Variants in STYX observed in about 807,000 individuals in gnomAD.
STYX encodes serine/threonine/tyrosine interacting protein.
STYX carries 20 observed loss-of-function variants against 42.7 expected under a neutral mutation model. The ratio of observed to expected loss-of-function variants is 0.47; its 90% CI spans 0.33 to 0.68. STYX has a LOEUF of 0.68. Among genes scored for constraint, STYX ranks in the 30% least tolerant of loss-of-function variants. STYX has a pLI of 0.02. For synonymous variants in STYX, 78 were observed against 81.9 expected (o/e 0.95, Z 0.26); for missense variants, 226 against 268.5 (o/e 0.84, Z 1.11).
At position 52,771,218 on chromosome 14, in the gene STYX, G is replaced by C; in HGVS notation, c.*112G>C. ...TAAGTAGTTTTTTTTTCAATTACAT[G>C]TTGCTTCCAGACATACTTCTCTGCA... On this transcript the variant is annotated 3_prime_UTR_variant, in exon 11 of 11. Transcript: ENST00000354586. The C allele has an allele frequency of 3.2e-6, 3 of 937,302 alleles. No homozygotes were observed. Among genetic ancestry groups the C allele is most frequent in the Middle Eastern group, 2.4e-4 (1 of 4,170 alleles). The allele number at this position is 937,302 out of a possible 1,614,324, so 58.1% of individuals were successfully genotyped here. A position where few individuals can be genotyped will look rare whatever the true frequency, so the allele number is the denominator to read the frequency against.
At chr14:52,758,350 T>C (rs142685483) in intron 8 of STYX, among the ~76,000 whole-genome samples, 1 of 152,290 alleles carries the variant, frequency 6.6e-6, no homozygotes, top group Non-Finnish European at 1.5e-5. Context: ...TCTGTATAGA[T>C]TTTTTAAAAG....
intron 4 of STYX, among the ~76,000 whole-genome samples, chr14:52,753,438 G>C (rs1472137144): frequency 6.6e-6 from 1 of 152,006 alleles, no homozygotes; most frequent in Admixed American, 6.6e-5. Flanking sequence ...GCCCACCTCG[G>C]CCTCCCAAAG....
In STYX at chr14:52,774,591, A is replaced by ATTTTT. The variant is rs36115577; in HGVS notation, c.*3498_*3502dup. 10 of 136,266 alleles carry ATTTTT rather than the reference A, an allele frequency of 7.3e-5. No homozygotes were observed. The highest frequency in any genetic ancestry group is 1.1e-4 in the Non-Finnish European group (7 of 63,018). The allele number at this position is 136,266 out of a possible 1,614,324, so 8.4% of individuals were successfully genotyped here. A position where few individuals can be genotyped will look rare whatever the true frequency, so the allele number is the denominator to read the frequency against. On this transcript the variant is annotated 3_prime_UTR_variant, in exon 11 of 11. Transcript: ENST00000354586. The stretch of plus-strand genomic sequence containing the variant: ...GTCTCTAGGGTCTTTGAATGCTGGA[A>ATTTTT]TTTTTTTTTTTTTTTTTGTCTTTCC...
intron 4 of STYX, among the ~76,000 whole-genome samples, chr14:52,753,719 G>A (rs1881726819): frequency 1.3e-5 from 2 of 151,604 alleles, no homozygotes; most frequent in African/African-American, 2.4e-5. Flanking sequence ...ATTATTTTTA[G>A]TGTTGTATTT....
intron 9 of STYX, among the ~76,000 whole-genome samples, chr14:52,767,022 C>T (rs1210600481): frequency 6.6e-6 from 1 of 152,048 alleles, no homozygotes; most frequent in Non-Finnish European, 1.5e-5. Flanking sequence ...AGACAACAAA[C>T]AAAATGTAGT....
intron 4 of STYX, among the ~76,000 whole-genome samples, chr14:52,755,224 G>A (rs979876460): frequency 1.3e-5 from 2 of 151,388 alleles, no homozygotes; most frequent in African/African-American, 4.8e-5. Context: ...CCGGGTTTAA[G>A]TGATTCTCCT....
chr14:52,747,966 T>G (rs1881458735), intron 3 of STYX, among the ~76,000 whole-genome samples: 1 of 152,214 alleles, frequency 6.6e-6, no homozygotes, highest in African/African-American at 2.4e-5. Context: ...TACTCCAGCC[T>G]GGTTGACGGA....
At chr14:52,754,881 C>A (rs560683951) in intron 4 of STYX, among the ~76,000 whole-genome samples, 2 of 152,136 alleles carry the variant, frequency 1.3e-5, no homozygotes, top group Admixed American at 6.5e-5. Flanking sequence ...TAAACTTTTA[C>A]AATACTAGCT....
intron 4 of STYX, among the ~76,000 whole-genome samples, chr14:52,755,683 GTTTT>G (rs372975976): frequency 3.1e-5 from 4 of 129,822 alleles, no homozygotes; most frequent in Admixed American, 2.4e-4. Flanking sequence ...CTCTCAGCTA[GTTTT>G]TTTTTTTTTT....
rs1566665728 is a variant in STYX at position 52,731,150 on chromosome 14, C to T, written c.57+619C>T. Among the ~76,000 whole-genome samples, 8 of 152,178 alleles carry T rather than the reference C, an allele frequency of 5.3e-5. No individual in the cohort carries two copies. The East Asian group carries it at 1.5e-3, about 29-fold the overall frequency. ...GGTTTCTAATTTGTGGCTATTTTTACTCCACCTTAGATCCCTGCCTGCTGT... is the reference window on the plus strand; with the variant it reads ...GGTTTCTAATTTGTGGCTATTTTTATTCCACCTTAGATCCCTGCCTGCTGT... On this transcript the variant is annotated intron_variant, in intron 1 of 10. Coordinates refer to ENST00000354586, the MANE Select transcript of STYX (RefSeq NM_145251.4).
Position 52,768,837 on chromosome 14 carries a change from T to G in STYX, c.505-3T>G, listed in dbSNP as rs553567290. The stretch of plus-strand genomic sequence containing the variant: ...TAAGTTAATTAACTTATTTTTTTTT[T>G]AGGAATATGAAGCCATCTACCTAGC... On this transcript the variant is annotated splice_region_variant and splice_polypyrimidine_tract_variant and intron_variant, in intron 9 of 10. Coordinates refer to ENST00000354586, the MANE Select transcript of STYX (RefSeq NM_145251.4). 2 of 1,557,746 alleles carry G rather than the reference T, an allele frequency of 1.3e-6. No individual in the cohort carries two copies. The highest frequency in any genetic ancestry group is 1.7e-6 in the Non-Finnish European group (2 of 1,158,012).
chr14:52,730,571 T>A (rs979690612), intron 1 of STYX, 40 bp downstream of exon 1: 1 of 1,604,782 alleles, frequency 6.2e-7, no homozygotes, highest in Admixed American at 1.7e-5. Context: ...GGCCTCTCCC[T>A]GTGGCTCCGG....
chr14:52,766,298 C>G (rs529336441), intron 9 of STYX, among the ~76,000 whole-genome samples: 4 of 152,254 alleles, frequency 2.6e-5, no homozygotes, highest in East Asian at 3.9e-4. Context: ...TCCCAAGTTG[C>G]CAGGATTACA....
At chr14:52,736,926 G>A (rs900377673) in intron 1 of STYX, among the ~76,000 whole-genome samples, 2 of 152,138 alleles carry the variant, frequency 1.3e-5, no homozygotes, top group African/African-American at 4.8e-5. Flanking sequence ...CAAGCTTGGT[G>A]TGGGAATGAA....
Position 52,743,856 on chromosome 14 carries a change from G to A in STYX, c.58-996G>A, listed in dbSNP as rs1476798149. Reference sequence around the variant, plus strand: ...TAGTATTTTTTTAGACGGGGTCTCAGTCTGTCACCCTAGCTGGAGTGGTGG... The same window carrying A: ...TAGTATTTTTTTAGACGGGGTCTCAATCTGTCACCCTAGCTGGAGTGGTGG... On this transcript the variant is annotated intron_variant, in intron 1 of 10. Coordinates refer to ENST00000354586, the MANE Select transcript of STYX (RefSeq NM_145251.4). 2.6e-5 allele frequency among the ~76,000 whole-genome samples: 4 copies of A among 152,132 alleles called. No individual in the cohort carries two copies. In the East Asian group the frequency reaches 7.7e-4, roughly 29 times the overall value.
At chr14:52,740,181 G>A (rs1313571397) in intron 1 of STYX, among the ~76,000 whole-genome samples, 1 of 152,096 alleles carries the variant, frequency 6.6e-6, no homozygotes, top group Admixed American at 6.5e-5. Flanking sequence ...GGAGGCTGAG[G>A]CAGATAATTG....
chr14:52,733,342 T>G (rs1880810102), intron 1 of STYX, among the ~76,000 whole-genome samples: 1 of 151,684 alleles, frequency 6.6e-6, no homozygotes, highest in Non-Finnish European at 1.5e-5. Context: ...AACACACTCT[T>G]TTTTTTATGC....
At position 52,771,152 on chromosome 14, in the gene STYX, G is replaced by A; in HGVS notation, c.*46G>A. 4 of 1,497,708 alleles carry A rather than the reference G, an allele frequency of 2.7e-6. No homozygotes were observed. The highest frequency in any genetic ancestry group is 2.3e-5 in the East Asian group (1 of 43,124). The allele number at this position is 1,497,708 out of a possible 1,614,324, so 92.8% of individuals were successfully genotyped here. A position where few individuals can be genotyped will look rare whatever the true frequency, so the allele number is the denominator to read the frequency against. ...AGTGTGAATTTCTATTTGGGAAGGA[G>A]AAAATACAAGAGAAAATTATAATGT... is the stretch of plus-strand genomic sequence containing the variant. On this transcript the variant is annotated 3_prime_UTR_variant, in exon 11 of 11. Coordinates refer to ENST00000354586, the MANE Select transcript of STYX (RefSeq NM_145251.4).
chr14:52,750,188 T>A (rs911381765), intron 3 of STYX, among the ~76,000 whole-genome samples: 1 of 152,206 alleles, frequency 6.6e-6, no homozygotes, highest in African/African-American at 2.4e-5. Context: ...TTCTGTGAAG[T>A]ATGTAAATTA....
Sources: allele counts gnomAD v4.1 joint callset (sites outside exome capture counted in the v4.1 genomes callset), GRCh38; gene constraint gnomAD v4.1.1; transcripts MANE v1.5; gene names NCBI Gene and HGNC (gene_info 2026-07-23, HGNC 2026-07-21).